RBMS3: variants seen among roughly 807,000 people sequenced by gnomAD.
The protein encoded by RBMS3 is RNA-binding motif, single-stranded-interacting protein 3.
In RBMS3, 27 loss-of-function variants were observed where a neutral mutation model predicts 66.8. The ratio of observed to expected loss-of-function variants is 0.40; its 90% CI spans 0.30 to 0.56. The LOEUF is 0.56. RBMS3 is among the 20% of genes least tolerant of loss of function. The pLI, the probability that RBMS3 is intolerant of heterozygous loss-of-function variation, is 0.40. For synonymous variants in RBMS3, 188 were observed against 183.0 expected (o/e 1.03, Z -0.22); for missense variants, 513 against 549.5 (o/e 0.93, Z 0.66).
chr3:29,711,897 T>C (rs1156600193), intron 4 of RBMS3, among the ~76,000 whole-genome samples: 1 of 152,230 alleles, frequency 6.6e-6, no homozygotes, highest in Non-Finnish European at 1.5e-5. Context: ...AATGCTAGCA[T>C]AACCATTAAA....
At chr3:29,943,773 G>A (rs565886489) in intron 11 of RBMS3, among the ~76,000 whole-genome samples, 30 of 151,834 alleles carry the variant, frequency 2.0e-4, no homozygotes, top group South Asian at 4.1e-4. Flanking sequence ...ATATGAGAAT[G>A]TACAAATTTT....
intron 1 of RBMS3, among the ~76,000 whole-genome samples, chr3:29,288,497 A>G (rs1029095054): frequency 1.3e-5 from 2 of 151,856 alleles, no homozygotes; most frequent in Admixed American, 6.6e-5. Context: ...GGTGGTTACA[A>G]TTTTTCTTCT....
At chr3:29,303,812 G>A (rs2033832652) in intron 1 of RBMS3, among the ~76,000 whole-genome samples, 1 of 151,954 alleles carries the variant, frequency 6.6e-6, no homozygotes, top group Admixed American at 6.6e-5. Flanking sequence ...CCGACACTGG[G>A]AAGAAAAAGA....
chr3:29,678,557 G>A (rs1263325855), intron 4 of RBMS3, among the ~76,000 whole-genome samples: 3 of 152,148 alleles, frequency 2.0e-5, no homozygotes, highest in Non-Finnish European at 4.4e-5. Context: ...AATCTCCAGA[G>A]AGTGAAAACA....
Position 30,007,038 on chromosome 3 carries a change from A to C in RBMS3, c.*3176A>C, listed in dbSNP as rs1230914844. The C allele has an allele frequency of 6.6e-6, 1 of 152,034 alleles. No homozygotes were observed. Among genetic ancestry groups the C allele is most frequent in the African/African-American group, 2.4e-5 (1 of 41,440 alleles). 9.4% of individuals were successfully genotyped at this position (152,034 alleles called of 1,614,324 possible). On this transcript the variant is annotated 3_prime_UTR_variant, in exon 15 of 15. Coordinates refer to ENST00000383767, the MANE Select transcript of RBMS3 (RefSeq NM_001003793.3). ...TAAAATGTATGTTTTCAAACCAAAA[A>C]GAAAAAAAATAGAAGGAAAACAACG...
At chr3:29,515,945 G>A (rs1187668791) in intron 3 of RBMS3, among the ~76,000 whole-genome samples, 2 of 152,196 alleles carry the variant, frequency 1.3e-5, no homozygotes, top group Non-Finnish European at 2.9e-5. Flanking sequence ...CTAGGCACAT[G>A]CCAAAACAGA....
At chr3:29,673,680 T>C (rs2051104394) in intron 4 of RBMS3, among the ~76,000 whole-genome samples, 1 of 151,938 alleles carries the variant, frequency 6.6e-6, no homozygotes, top group Non-Finnish European at 1.5e-5. Flanking sequence ...CCTGGACAAA[T>C]ATACCCTCCC....
chr3:29,898,288 T>C lies in RBMS3; in HGVS notation c.888+813T>C, dbSNP rs3773119. On this transcript the variant is annotated intron_variant, in intron 9 of 14. Transcript: ENST00000383767. ...TATGCTGCACGTAGAAAGTGTCTAGTGTCATTTCTTAAAAGTTTGGAGGGA... is the reference window on the plus strand; with the variant it reads ...TATGCTGCACGTAGAAAGTGTCTAGCGTCATTTCTTAAAAGTTTGGAGGGA... Among the ~76,000 whole-genome samples the C allele has an allele frequency of 6.5e-3, 988 of 151,826 alleles. 19 individuals are homozygous for C. In the East Asian group the frequency reaches 0.082, roughly 13 times the overall value.
chr3:29,806,885 G>A (rs1012423371), intron 6 of RBMS3, among the ~76,000 whole-genome samples: 1 of 151,784 alleles, frequency 6.6e-6, no homozygotes, highest in Non-Finnish European at 1.5e-5. Flanking sequence ...ATTTGCAGTT[G>A]CTTTTTCAAA....
chr3:29,913,910 C>T (rs1353917885), intron 10 of RBMS3, among the ~76,000 whole-genome samples: 1 of 151,768 alleles, frequency 6.6e-6, no homozygotes, highest in Non-Finnish European at 1.5e-5. Flanking sequence ...ATATCACACT[C>T]CAAAATAATC....
intron 2 of RBMS3, among the ~76,000 whole-genome samples, chr3:29,457,408 G>T (rs564065273): frequency 1.3e-5 from 2 of 152,076 alleles, no homozygotes; most frequent in African/African-American, 4.8e-5. Flanking sequence ...AATTTTACCG[G>T]TAAGCCCAGA....
intron 12 of RBMS3, among the ~76,000 whole-genome samples, chr3:29,949,725 C>T (rs1695552060): frequency 1.3e-5 from 2 of 150,496 alleles, no homozygotes; most frequent in South Asian, 4.2e-4. Flanking sequence ...ATATTAAAAC[C>T]CTTTAAGAAT....
intron 1 of RBMS3, among the ~76,000 whole-genome samples, chr3:29,362,980 A>G (rs2125585290): frequency 6.6e-6 from 1 of 152,222 alleles, no homozygotes; most frequent in East Asian, 1.9e-4. Context: ...TGCTTTTGAT[A>G]TTTTGGGTTG....
chr3:29,792,532 T>G (rs1234951626), intron 6 of RBMS3, among the ~76,000 whole-genome samples: 1 of 152,184 alleles, frequency 6.6e-6, no homozygotes, highest in Non-Finnish European at 1.5e-5. Flanking sequence ...GGAGCCAGAC[T>G]ATCTAGATCA....
intron 3 of RBMS3, among the ~76,000 whole-genome samples, chr3:29,535,854 G>A (rs1658883): frequency 6.7e-6 from 1 of 149,026 alleles, no homozygotes; most frequent in Non-Finnish European, 1.5e-5. Flanking sequence ...TGTTTTATTA[G>A]AGTTATTTCC....
intron 2 of RBMS3, among the ~76,000 whole-genome samples, chr3:29,439,792 A>G (rs2041548993): frequency 6.6e-6 from 1 of 151,992 alleles, no homozygotes; most frequent in South Asian, 2.1e-4. Context: ...GGTCATCAAT[A>G]TACTGTTAAA....
chr3:29,654,766 T>A (rs898864456), intron 4 of RBMS3, among the ~76,000 whole-genome samples: 1 of 93,374 alleles, frequency 1.1e-5, no homozygotes, highest in African/African-American at 4.2e-5. Context: ...ATTTTTGCGT[T>A]TTTTTTTTTT....
intron 3 of RBMS3, among the ~76,000 whole-genome samples, chr3:29,567,013 C>T (rs1479613459): frequency 1.3e-5 from 2 of 152,128 alleles, no homozygotes; most frequent in Non-Finnish European, 2.9e-5. Context: ...TTTCTATCAT[C>T]ATGGCATGTA....
chr3:29,969,589 C>T (rs1697090298), intron 12 of RBMS3, among the ~76,000 whole-genome samples: 1 of 152,142 alleles, frequency 6.6e-6, no homozygotes, highest in Non-Finnish European at 1.5e-5. Context: ...AGGTCATTTC[C>T]AGGTGTCTCT....
Sources: allele counts gnomAD v4.1 joint callset (sites outside exome capture counted in the v4.1 genomes callset), GRCh38; gene constraint gnomAD v4.1.1; transcripts MANE v1.5; gene names NCBI Gene and HGNC (gene_info 2026-07-23, HGNC 2026-07-21).